Variants in ERLEC1 observed in about 807,000 individuals in gnomAD.
The protein encoded by ERLEC1 is endoplasmic reticulum lectin 1.
Under a neutral mutation model 68.0 loss-of-function variants are expected in ERLEC1, and 47 were observed. That is an observed-to-expected ratio of 0.69 (90% CI 0.55 to 0.88). The LOEUF (loss-of-function observed/expected upper bound fraction) is 0.88, where lower values mean the gene tolerates loss of function less well. ERLEC1 is among the 40% of genes least tolerant of loss of function. The probability of loss-of-function intolerance (pLI) is 0.00; values close to 1 mark genes in which losing one functional copy is unlikely to be tolerated. For synonymous variants in ERLEC1, 225 were observed against 203.2 expected, an observed-to-expected ratio of 1.11 and a Z score of -0.91; for missense variants, 567 against 583.8, an observed-to-expected ratio of 0.97 and a Z score of 0.30.
intron 10 of ERLEC1, among the ~76,000 whole-genome samples, chr2:53,812,598 G>A (rs934459243): frequency 1.3e-5 from 2 of 152,124 alleles, no homozygotes; most frequent in Non-Finnish European, 2.9e-5. Flanking sequence ...CTTGGTTGTG[G>A]GGTGAGTTGC....
At chr2:53,791,450 T>G (rs1675388629) in intron 1 of ERLEC1, among the ~76,000 whole-genome samples, 1 of 152,228 alleles carries the variant, frequency 6.6e-6, no homozygotes, top group South Asian at 2.1e-4. Flanking sequence ...AAAACCTGTT[T>G]TATACAATCA....
chr2:53,794,768 T>G (rs746058319), intron 2 of ERLEC1, among the ~76,000 whole-genome samples: 6 of 152,024 alleles, frequency 3.9e-5, no homozygotes, highest in Non-Finnish European at 7.4e-5. Flanking sequence ...AATTCTCCTG[T>G]CTCAGCCTCC....
Position 53,796,012 on chromosome 2 carries a change from G to C in ERLEC1, c.347G>C (p.Arg116Thr), listed in dbSNP as rs1301443357. 1.4e-5 allele frequency: 23 copies of C among 1,587,514 alleles called. No individual in the cohort carries two copies. Among genetic ancestry groups the C allele is most frequent in the Non-Finnish European group, 1.7e-5 (20 of 1,167,390 alleles). ...TTTAAACAAAGCAGTTGTTCCTACA[G>C]AGTATGTATTTTATGTTTACTTGAT... ...PLFKQSSCSY[R>T]IESYWTYEVC... Residue 116 changes from arginine to threonine, a missense_variant and splice_region_variant, in exon 3 of 14, where the codon AGA becomes ACA. Transcript: ENST00000185150.
intron 8 of ERLEC1, among the ~76,000 whole-genome samples, chr2:53,805,526 A>C (rs1381347498): frequency 6.6e-6 from 1 of 151,906 alleles, no homozygotes; most frequent in African/African-American, 2.4e-5. Context: ...ACGACCCTAC[A>C]TTTTCTTTAT....
At chr2:53,797,889 T>A in intron 5 of ERLEC1, 94 bp downstream of exon 5, 1 of 1,165,464 alleles carries the variant, frequency 8.6e-7, no homozygotes, top group East Asian at 2.4e-5. Flanking sequence ...TTTTGGACAT[T>A]GTGTGAATTT....
intron 6 of ERLEC1, among the ~76,000 whole-genome samples, chr2:53,801,043 A>G (rs1675976250): frequency 6.6e-6 from 1 of 152,110 alleles, no homozygotes; most frequent in South Asian, 2.1e-4. Flanking sequence ...GCAGCCCAGT[A>G]TAGTAAGTTT....
chr2:53,809,578 T>C (rs954987761), intron 10 of ERLEC1, among the ~76,000 whole-genome samples: 3 of 152,160 alleles, frequency 2.0e-5, no homozygotes, highest in African/African-American at 4.8e-5. Flanking sequence ...TCTTACAACT[T>C]ATCCTTAAAT....
At position 53,796,496 on chromosome 2, in the gene ERLEC1, G is replaced by A. The variant is rs1302269660; in HGVS notation, c.348+483G>A. The stretch of plus-strand genomic sequence containing the variant: ...TCTTTTTGAGAAAAGGTCTCATTCT[G>A]TCACCCAGGCTAGAGTATAGTGGCA... On this transcript the variant is annotated intron_variant, in intron 3 of 13. Coordinates refer to ENST00000185150, the MANE Select transcript of ERLEC1 (RefSeq NM_015701.5). Among the ~76,000 whole-genome samples, 4 of 150,402 alleles carry A rather than the reference G, an allele frequency of 2.7e-5. No homozygotes were observed. The South Asian group carries it at 8.4e-4, about 32-fold the overall frequency.
chr2:53,817,889 C>G lies in ERLEC1; in HGVS notation c.1381-9C>G, dbSNP rs749980990. On this transcript the variant is annotated splice_polypyrimidine_tract_variant and intron_variant, in intron 13 of 13. Coordinates refer to ENST00000185150, the MANE Select transcript of ERLEC1 (RefSeq NM_015701.5). Reference sequence around the variant, plus strand: ...GCAACTTTTTAATGGCTTTGTTGTTCTTCTTTAGGTTGAATCTCCAGTGAT... The same window carrying G: ...GCAACTTTTTAATGGCTTTGTTGTTGTTCTTTAGGTTGAATCTCCAGTGAT... 64 of 1,592,702 alleles carry G rather than the reference C, an allele frequency of 4.0e-5. No individual in the cohort carries two copies. The highest frequency in any genetic ancestry group is 5.1e-5 in the Non-Finnish European group (59 of 1,161,398).
intron 6 of ERLEC1, among the ~76,000 whole-genome samples, chr2:53,800,590 T>G (rs1391030372): frequency 6.6e-6 from 1 of 152,114 alleles, no homozygotes; most frequent in South Asian, 2.1e-4. Context: ...GCTGATAGGG[T>G]ACTAAAGTGA....
chr2:53,796,174 C>G lies in ERLEC1; in HGVS notation c.348+161C>G, dbSNP rs1675687205. 2.7e-5 allele frequency among the ~76,000 whole-genome samples: 4 copies of G among 149,852 alleles called. No homozygotes were observed. In the South Asian group the frequency reaches 6.3e-4, roughly 24 times the overall value. ...TGTGCAGGATTGTTATATAGGTAAA[C>G]TGCATGTCACCGGGGTTTGGTGTAC... On this transcript the variant is annotated intron_variant, in intron 3 of 13. Transcript: ENST00000185150.
intron 8 of ERLEC1, among the ~76,000 whole-genome samples, chr2:53,808,004 G>A (rs1055814894): frequency 1.2e-4 from 18 of 149,276 alleles, no homozygotes; most frequent in Non-Finnish European, 2.1e-4. Context: ...CAGCCTGGGC[G>A]ACAGAGCAAG....
chr2:53,798,261 G>T (rs960662007), intron 5 of ERLEC1, among the ~76,000 whole-genome samples: 5 of 151,782 alleles, frequency 3.3e-5, no homozygotes, highest in African/African-American at 4.8e-5. Flanking sequence ...AGAAGTCTTT[G>T]TTTTCACCTT....
chr2:53,789,559 C>CT (rs199891880), intron 1 of ERLEC1, among the ~76,000 whole-genome samples: 40 of 152,092 alleles, frequency 2.6e-4, no homozygotes, highest in African/African-American at 7.5e-4. Flanking sequence ...TTGCATCTGG[C>CT]TTTTTTTTCT....
At chr2:53,790,919 ATTACT>A (rs1252497046) in intron 1 of ERLEC1, among the ~76,000 whole-genome samples, 1 of 152,168 alleles carries the variant, frequency 6.6e-6, no homozygotes. Context: ...TTAATTATTC[ATTACT>A]TTATAGAGTT....
At chr2:53,787,635 A>T (rs1229873297) in intron 1 of ERLEC1, 4 of 381,256 alleles carry the variant, frequency 1.0e-5, no homozygotes, top group Non-Finnish European at 1.9e-5. Context: ...CTTGCTTCCC[A>T]ACATTCCCAC....
intron 11 of ERLEC1, among the ~76,000 whole-genome samples, 191 bp from the exon 12 acceptor site, chr2:53,814,352 C>T (rs1226191923): frequency 4.6e-5 from 7 of 152,100 alleles, no homozygotes; most frequent in East Asian, 1.9e-4. Flanking sequence ...CTTATATTCT[C>T]TTTATAGAAT....
At chr2:53,804,989 C>CTTTTTTTT (rs746963770) in intron 8 of ERLEC1, among the ~76,000 whole-genome samples, 1 of 98,218 alleles carries the variant, frequency 1.0e-5, no homozygotes, top group Non-Finnish European at 2.1e-5. Context: ...GACAGGATCT[C>CTTTTTTTT]TTTTTTTTTT....
chr2:53,810,927 TAAAGA>T (rs914328108), intron 10 of ERLEC1, among the ~76,000 whole-genome samples: 1 of 147,760 alleles, frequency 6.8e-6, no homozygotes, highest in Non-Finnish European at 1.5e-5. Flanking sequence ...GTTTCTTAAT[TAAAGA>T]AATGTATGCC....
Sources: allele counts gnomAD v4.1 joint callset (sites outside exome capture counted in the v4.1 genomes callset), GRCh38; gene constraint gnomAD v4.1.1; transcripts MANE v1.5; gene names NCBI Gene and HGNC (gene_info 2026-07-23, HGNC 2026-07-21).